TRPV4: variants seen among roughly 807,000 people sequenced by gnomAD.
The protein encoded by TRPV4 is OSM9-like transient receptor potential channel 4.
Under a neutral mutation model 84.1 loss-of-function variants are expected in TRPV4, and 58 were observed. That is an observed-to-expected ratio of 0.69 (90% CI 0.56 to 0.86). TRPV4 has a LOEUF of 0.86. TRPV4 is among the 40% of genes least tolerant of loss of function. The pLI is 0.00. For missense variants in TRPV4, 879 were observed against 1,181.1 expected, an observed-to-expected ratio of 0.74 and a Z score of 3.75; for synonymous variants, 489 against 500.9, an observed-to-expected ratio of 0.98 and a Z score of 0.32.
intron 1 of TRPV4, among the ~76,000 whole-genome samples, chr12:109,824,112 C>T (rs1224709377): frequency 6.6e-6 from 1 of 151,944 alleles, no homozygotes; most frequent in Non-Finnish European, 1.5e-5. Flanking sequence ...ATTACAGGTG[C>T]CCACCGCTGC....
Position 109,792,837 on chromosome 12 carries a change from AC to A in TRPV4, c.1659-21del, listed in dbSNP as rs1454862400. On this transcript the variant is annotated intron_variant, in intron 10 of 15. Transcript: ENST00000261740. ...ATGAAGCTGCAGTGCAGCAGAGACC[AC>A]AAGAGAGGCCAGAGGGGAGAGGGGA... 6.2e-7 allele frequency: 1 copy of A among 1,613,002 alleles called. No individual in the cohort carries two copies. Among genetic ancestry groups the A allele is most frequent in the African/African-American group, 1.3e-5 (1 of 75,054 alleles).
Position 109,814,240 on chromosome 12 carries a change from T to C in TRPV4, c.386+171A>G, listed in dbSNP as rs369043804. Among the ~76,000 whole-genome samples the C allele has an allele frequency of 4.6e-4, 70 of 151,012 alleles. No homozygotes were observed. Among genetic ancestry groups the C allele is most frequent in the African/African-American group, 1.6e-3 (64 of 41,124 alleles). On this transcript the variant is annotated intron_variant, in intron 2 of 15. Transcript: ENST00000261740. This position sits in a 1 kb window ranked among gnomAD's most constrained non-coding sequence, Gnocchi z 5.4. ...TGGATGGATGGATGGACGGATGATATATGGATAGGGAGATGAATAGATGGA... is the reference window on the plus strand; with the variant it reads ...TGGATGGATGGATGGACGGATGATACATGGATAGGGAGATGAATAGATGGA...
intron 7 of TRPV4, among the ~76,000 whole-genome samples, chr12:109,795,313 C>T (rs899566941): frequency 6.6e-6 from 1 of 152,160 alleles, no homozygotes; most frequent in Admixed American, 6.5e-5. Flanking sequence ...TCAGTTTGCA[C>T]CTGAGATGCT....
At chr12:109,809,251 A>G (rs1482971247) in intron 2 of TRPV4, among the ~76,000 whole-genome samples, 2 of 138,950 alleles carry the variant, frequency 1.4e-5, no homozygotes, top group African/African-American at 2.8e-5. Context: ...CCATCCATCC[A>G]TTCATCCACC....
Position 109,814,369 on chromosome 12 carries a change from A to G in TRPV4, c.386+42T>C, listed in dbSNP as rs1357881496. 3 of 1,604,012 alleles carry G rather than the reference A, an allele frequency of 1.9e-6. No individual in the cohort carries two copies. The highest frequency in any genetic ancestry group is 2.7e-5 in the African/African-American group (2 of 74,792). ...GTGGATGATGAATGGGTGAATGGAT[A>G]CAGAGGAGGAGACCACAGGCCAGGA... is the stretch of plus-strand genomic sequence containing the variant. On this transcript the variant is annotated intron_variant, in intron 2 of 15. Coordinates refer to ENST00000261740, the MANE Select transcript of TRPV4 (RefSeq NM_021625.5). This position sits in a 1 kb window ranked among gnomAD's most constrained non-coding sequence, Gnocchi z 5.4.
At chr12:109,801,931 A>G (rs1890813093) in intron 4 of TRPV4, among the ~76,000 whole-genome samples, 1 of 152,182 alleles carries the variant, frequency 6.6e-6, no homozygotes, top group South Asian at 2.1e-4. Context: ...ATATCCAGGC[A>G]TCTGAAGGTC....
chr12:109,786,423 C>T lies in TRPV4; in HGVS notation c.2336+287G>A, dbSNP rs758167485. 6.6e-6 allele frequency among the ~76,000 whole-genome samples: 1 copy of T among 152,206 alleles called. No homozygotes were observed. The highest frequency in any genetic ancestry group is 2.4e-5 in the African/African-American group (1 of 41,454). On this transcript the variant is annotated intron_variant, in intron 14 of 15. Transcript: ENST00000261740. The surrounding 1 kb of genome is among the most constrained non-coding windows in gnomAD (Gnocchi z 4.5). Reference sequence around the variant, plus strand: ...GGGGAGCCTGTGGCGTCCCGATGCGCGTCGGGCACTGGCTGAGCACTTCTC... The same window carrying T: ...GGGGAGCCTGTGGCGTCCCGATGCGTGTCGGGCACTGGCTGAGCACTTCTC...
At chr12:109,829,513 A>G (rs557781388) in intron 1 of TRPV4, among the ~76,000 whole-genome samples, 1 of 152,218 alleles carries the variant, frequency 6.6e-6, no homozygotes, top group Non-Finnish European at 1.5e-5. Context: ...TTTGCCCCCA[A>G]TACCTTCCAC....
At chr12:109,809,784 A>G (rs1246845679) in intron 2 of TRPV4, among the ~76,000 whole-genome samples, 1 of 152,258 alleles carries the variant, frequency 6.6e-6, no homozygotes, top group African/African-American at 2.4e-5. Context: ...AAGATAAAAT[A>G]AAGAAACAGC....
intron 1 of TRPV4, among the ~76,000 whole-genome samples, chr12:109,828,128 A>C (rs1283127731): frequency 6.6e-6 from 1 of 152,108 alleles, no homozygotes; most frequent in East Asian, 1.9e-4. Context: ...AAATAGAAGG[A>C]TATTCCCGTT....
At chr12:109,820,516 A>ATTTTTTTTTTTTTTTTTTTTTT (rs1166251387) in intron 1 of TRPV4, among the ~76,000 whole-genome samples, 1 of 92,388 alleles carries the variant, frequency 1.1e-5, no homozygotes, top group African/African-American at 5.0e-5. Context: ...CAGCTGCCCT[A>ATTTTTTTTTTTTTTTTTTTTTT]TTTTTTTTTT....
intron 1 of TRPV4, among the ~76,000 whole-genome samples, chr12:109,820,248 G>A (rs151073410): frequency 1.8e-4 from 28 of 152,252 alleles, no homozygotes; most frequent in African/African-American, 6.5e-4. Context: ...GGGCTCAGGA[G>A]TGGGCAAGTT....
intron 1 of TRPV4, among the ~76,000 whole-genome samples, chr12:109,819,729 A>T (rs1460963881): frequency 2.6e-5 from 4 of 152,168 alleles, no homozygotes; most frequent in African/African-American, 9.6e-5. Context: ...CACTCAGCTA[A>T]TTTTTGTATT....
intron 1 of TRPV4, among the ~76,000 whole-genome samples, chr12:109,816,044 C>G (rs1348927564): frequency 6.6e-6 from 1 of 152,244 alleles, no homozygotes; most frequent in Non-Finnish European, 1.5e-5. Context: ...ACCCGGGAGG[C>G]AGGGGCATGT....
chr12:109,788,332 G>C, intron 13 of TRPV4, 68 bp downstream of exon 13: 1 of 1,495,302 alleles, frequency 6.7e-7, no homozygotes, highest in South Asian at 1.2e-5. Flanking sequence ...GAGGAAGCCA[G>C]TCGGGTGGGT....
chr12:109,808,561 G>A, intron 2 of TRPV4, 93 bp from the exon 3 acceptor site: 1 of 1,325,176 alleles, frequency 7.5e-7, no homozygotes, highest in South Asian at 1.4e-5. Flanking sequence ...TGTGGTGGCG[G>A]GCAGGCAGCT....
rs113643368 is a variant in TRPV4 at position 109,823,941 on chromosome 12, T to TTGTGTG, written c.-31-9120_-31-9115dup. Among the ~76,000 whole-genome samples the TTGTGTG allele has an allele frequency of 7.9e-4, 118 of 149,516 alleles. 1 individual carries two copies. Among genetic ancestry groups the TTGTGTG allele is most frequent in the East Asian group, 3.2e-3 (16 of 4,976 alleles). On this transcript the variant is annotated intron_variant, in intron 1 of 15. Coordinates refer to ENST00000261740, the MANE Select transcript of TRPV4 (RefSeq NM_021625.5). Reference sequence around the variant, plus strand: ...ATAAAGGGTTTCTTTTTTTTCTTTCTTGTGTGTGTGTGTGTGTGTGCGCAT... The same window carrying TTGTGTG: ...ATAAAGGGTTTCTTTTTTTTCTTTCTTGTGTGTGTGTGTGTGTGTGTGTGTGCGCAT...
rs146771300 is a variant in TRPV4, at chr12:109,817,141, T to C, written c.-31-2314A>G. On this transcript the variant is annotated intron_variant, in intron 1 of 15. Transcript: ENST00000261740. Reference sequence around the variant, plus strand: ...GGGGATCTGGATCCCTAGTCCCTCATGGCTGCCACATGCATTTGGGCTTTG... The same window carrying C: ...GGGGATCTGGATCCCTAGTCCCTCACGGCTGCCACATGCATTTGGGCTTTG... Among the ~76,000 whole-genome samples, 1,378 of 152,238 alleles carry C rather than the reference T, an allele frequency of 9.1e-3. 11 individuals carry two copies. Among genetic ancestry groups the C allele is most frequent in the South Asian group, 0.015 (74 of 4,816 alleles).
chr12:109,821,833 A>G (rs1290603313), intron 1 of TRPV4, among the ~76,000 whole-genome samples: 2 of 151,990 alleles, frequency 1.3e-5, no homozygotes, highest in African/African-American at 4.8e-5. Flanking sequence ...CACCCGGCCT[A>G]TATATTATTC....
Sources: allele counts gnomAD v4.1 joint callset (sites outside exome capture counted in the v4.1 genomes callset), GRCh38; gene constraint gnomAD v4.1.1; non-coding constraint Gnocchi (gnomAD v3.1); transcripts MANE v1.5; gene names NCBI Gene and HGNC (gene_info 2026-07-23, HGNC 2026-07-21).